Variants in CELF2 observed in about 807,000 individuals in gnomAD.
The protein encoded by CELF2 is CUGBP Elav-like family member 2, also known as CUG triplet repeat RNA-binding protein 2.
In CELF2, 8 loss-of-function variants were observed where a neutral mutation model predicts 62.6. The observed-to-expected ratio is 0.13, with a 90% confidence interval of 0.07 to 0.23. The LOEUF (loss-of-function observed/expected upper bound fraction) is 0.23. Ranked by LOEUF, CELF2 falls within the 10% of genes least tolerant of loss-of-function variation. The pLI, the probability that CELF2 is intolerant of heterozygous loss-of-function variation, is 1.00. For missense variants in CELF2, 333 were observed against 671.0 expected, an observed-to-expected ratio of 0.50 and a Z score of 5.56; for synonymous variants, 258 against 250.0, an observed-to-expected ratio of 1.03 and a Z score of -0.30.
chr10:11,068,685 C>T (rs1375064767), intron 1 of CELF2, among the ~76,000 whole-genome samples: 12 of 151,916 alleles, frequency 7.9e-5, no homozygotes, highest in Admixed American at 3.9e-4. Context: ...CTCAGCCTCC[C>T]GAGTAGCTGG....
chr10:10,808,017 T>G (rs1054108265), intron 1 of CELF2, among the ~76,000 whole-genome samples: 2 of 152,212 alleles, frequency 1.3e-5, no homozygotes, highest in Non-Finnish European at 2.9e-5. Flanking sequence ...TTGAGCTGTT[T>G]GCATGAGCAG....
chr10:10,934,907 CT>C lies in CELF2; in HGVS notation c.89+14910del, dbSNP rs1476704377. 6.6e-6 allele frequency: 1 copy of C among 152,146 alleles called. No individual in the cohort carries two copies. The highest frequency in any genetic ancestry group is 1.5e-5 in the Non-Finnish European group (1 of 68,032). 9.4% of individuals were successfully genotyped at this position (152,146 alleles called of 1,614,324 possible). A position where few individuals can be genotyped will look rare whatever the true frequency, so the allele number is the denominator to read the frequency against. On this transcript the variant is annotated intron_variant, in intron 2 of 13. Coordinates refer to the CELF2 transcript ENST00000636488. The surrounding 1 kb of genome is among the most constrained non-coding windows in gnomAD (Gnocchi z 4.4). Reference sequence around the variant, plus strand: ...CAAGATGCAAATTTGATAGAGATTCCTTAAGAAAAAATAATGTTACTGCAGA... The same window carrying C: ...CAAGATGCAAATTTGATAGAGATTCCTAAGAAAAAATAATGTTACTGCAGA...
chr10:10,710,746 A>G, the CELF2 span, among the ~76,000 whole-genome samples: 1 of 152,222 alleles, frequency 6.6e-6, no homozygotes, highest in Non-Finnish European at 1.5e-5. Context: ...AAACACTAAA[A>G]TGCATTAATG....
At chr10:10,930,333 C>T (rs936008902) in intron 2 of CELF2, among the ~76,000 whole-genome samples, 7 of 152,174 alleles carry the variant, frequency 4.6e-5, no homozygotes, top group Non-Finnish European at 8.8e-5. Flanking sequence ...ATAGCAAAGA[C>T]ATACTTTAAA....
intron 1 of CELF2, among the ~76,000 whole-genome samples, chr10:11,130,243 T>C (rs560750963): frequency 3.9e-5 from 6 of 152,332 alleles, no homozygotes; most frequent in Non-Finnish European, 8.8e-5. Context: ...AGAAACAGTT[T>C]GTTGTAATTT....
At chr10:10,905,416 A>C (rs1008201888) in intron 1 of CELF2, among the ~76,000 whole-genome samples, 2 of 152,120 alleles carry the variant, frequency 1.3e-5, no homozygotes, top group Non-Finnish European at 1.5e-5. Context: ...TTGCCATTAG[A>C]GTTTGGTCTA....
chr10:10,737,547 T>C, the CELF2 span, among the ~76,000 whole-genome samples: 1 of 152,124 alleles, frequency 6.6e-6, no homozygotes, highest in African/African-American at 2.4e-5. Context: ...GCACGCAAGA[T>C]GGAATACATT....
chr10:10,641,139 C>G, the CELF2 span, among the ~76,000 whole-genome samples: 1 of 152,202 alleles, frequency 6.6e-6, no homozygotes, highest in Non-Finnish European at 1.5e-5. Flanking sequence ...ACAGTCTGCA[C>G]TCATCAACAA....
intron 2 of CELF2, among the ~76,000 whole-genome samples, chr10:10,939,755 C>T (rs890117100): frequency 4.0e-5 from 6 of 151,818 alleles, no homozygotes; most frequent in Admixed American, 3.9e-4. Flanking sequence ...GAGATCGAGA[C>T]CATCCTGGCT....
chr10:10,581,461 G>A, the CELF2 span, among the ~76,000 whole-genome samples: 318 of 152,222 alleles, frequency 2.1e-3, no homozygotes, highest in Non-Finnish European at 3.7e-3. Context: ...GAGATGAGGA[G>A]AACGCTCTGG....
chr10:11,210,523 A>C (rs918459325), intron 2 of CELF2, among the ~76,000 whole-genome samples: 2 of 152,250 alleles, frequency 1.3e-5, no homozygotes, highest in African/African-American at 2.4e-5. Context: ...TTTGTATTCC[A>C]GAAAATGCTC....
At chr10:11,326,690 T>C (rs1423166911) in intron 12 of CELF2, among the ~76,000 whole-genome samples, 2 of 152,200 alleles carry the variant, frequency 1.3e-5, no homozygotes, top group Non-Finnish European at 2.9e-5. Context: ...CCTTGTTTCA[T>C]TTTTCAAACC....
At position 11,177,306 on chromosome 10, in the gene CELF2, T is replaced by G. The variant is rs545225955; in HGVS notation, c.271+11624T>G. On this transcript the variant is annotated intron_variant, in intron 2 of 12. Coordinates refer to ENST00000633077, the MANE Select transcript of CELF2 (RefSeq NM_001326342.2). The surrounding 1 kb of genome is among the most constrained non-coding windows in gnomAD (Gnocchi z 4.8). Reference sequence around the variant, plus strand: ...AGTTAATGCAGCATGATGAAAGAAATAAAAGTCTCCTTATTTTTTTACTTT... The same window carrying G: ...AGTTAATGCAGCATGATGAAAGAAAGAAAAGTCTCCTTATTTTTTTACTTT... 6.6e-6 allele frequency among the ~76,000 whole-genome samples: 1 copy of G among 152,190 alleles called. No individual in the cohort carries two copies. The highest frequency in any genetic ancestry group is 2.4e-5 in the African/African-American group (1 of 41,510).
At chr10:11,278,211 C>G (rs998570258) in intron 8 of CELF2, among the ~76,000 whole-genome samples, 1 of 152,186 alleles carries the variant, frequency 6.6e-6, no homozygotes, top group Non-Finnish European at 1.5e-5. Context: ...AAAAATCTTA[C>G]CATTTTCCCT....
chr10:11,306,395 C>G lies in CELF2; in HGVS notation c.977-7744C>G, dbSNP rs898115135. Among the ~76,000 whole-genome samples, 1 of 152,058 alleles carries G rather than the reference C, an allele frequency of 6.6e-6. No individual in the cohort carries two copies. The highest frequency in any genetic ancestry group is 2.4e-5 in the African/African-American group (1 of 41,388). On this transcript the variant is annotated intron_variant, in intron 9 of 12. Transcript: ENST00000633077. The surrounding 1 kb of genome is among the most constrained non-coding windows in gnomAD (Gnocchi z 4.4). ...GTTGTCCGAGGCAGCATCTTGCCAG[C>G]CTGCCAGCACAGAAATGGAGAGTCT... is the stretch of plus-strand genomic sequence containing the variant.
rs1565381423 is a variant in CELF2, at chr10:11,220,682, T to A, written c.354+3175T>A. Among the ~76,000 whole-genome samples the A allele has an allele frequency of 6.6e-6, 1 of 152,124 alleles. No individual in the cohort carries two copies. Among genetic ancestry groups the A allele is most frequent in the East Asian group, 1.9e-4 (1 of 5,194 alleles). On this transcript the variant is annotated intron_variant, in intron 3 of 12. Coordinates refer to ENST00000633077, the MANE Select transcript of CELF2 (RefSeq NM_001326342.2). This position sits in a 1 kb window ranked among gnomAD's most constrained non-coding sequence, Gnocchi z 4.4. ...AACCCTAGAAATACAATGGCAGTCATAAAGGAAGCAAATTCAACAGCTCAA... is the reference window on the plus strand; with the variant it reads ...AACCCTAGAAATACAATGGCAGTCAAAAAGGAAGCAAATTCAACAGCTCAA...
At chr10:11,108,502 C>T (rs898778155) in intron 1 of CELF2, among the ~76,000 whole-genome samples, 3 of 152,122 alleles carry the variant, frequency 2.0e-5, no homozygotes, top group Non-Finnish European at 2.9e-5. Flanking sequence ...GCACTCTCAG[C>T]GGCCTCCCAG....
rs747767156 is a variant in CELF2 at position 11,244,977 on chromosome 10, C to T, written c.355-4176C>T. On this transcript the variant is annotated intron_variant, in intron 3 of 12. Coordinates refer to ENST00000633077, the MANE Select transcript of CELF2 (RefSeq NM_001326342.2). The surrounding 1 kb of genome is among the most constrained non-coding windows in gnomAD (Gnocchi z 4.2). The stretch of plus-strand genomic sequence containing the variant: ...GTCTCTTATCACGCTGTGGGAAATG[C>T]TTGCTGTATCTGTCTCTCCTACCAC... Among the ~76,000 whole-genome samples the T allele has an allele frequency of 2.0e-5, 3 of 152,166 alleles. No homozygotes were observed. The highest frequency in any genetic ancestry group is 1.9e-4 in the East Asian group (1 of 5,196).
At chr10:10,752,529 A>G in the CELF2 span, among the ~76,000 whole-genome samples, 1 of 151,776 alleles carries the variant, frequency 6.6e-6, no homozygotes, top group East Asian at 1.9e-4. Flanking sequence ...TCTCTACTAA[A>G]ATACAAAAAA....
Sources: allele counts gnomAD v4.1 joint callset (sites outside exome capture counted in the v4.1 genomes callset), GRCh38; gene constraint gnomAD v4.1.1; non-coding constraint Gnocchi (gnomAD v3.1); transcripts MANE v1.5; gene names NCBI Gene and HGNC (gene_info 2026-07-23, HGNC 2026-07-21).